Variants in CADPS observed in about 807,000 individuals in gnomAD.
The protein encoded by CADPS is calcium dependent secretion activator.
A neutral mutation model predicts 167.3 loss-of-function variants in CADPS; 57 were observed. That is an observed-to-expected ratio of 0.34 (90% CI 0.28 to 0.42). CADPS has a LOEUF of 0.42. CADPS is among the 20% of genes least tolerant of loss of function. The pLI is 1.00. For synonymous variants in CADPS, 676 were observed against 635.3 expected (o/e 1.06, Z -0.96); for missense variants, 1,414 against 1,738.1 (o/e 0.81, Z 3.32).
chr3:62,528,117 G>A (rs904236692), intron 13 of CADPS, among the ~76,000 whole-genome samples: 2 of 152,172 alleles, frequency 1.3e-5, no homozygotes, highest in Non-Finnish European at 2.9e-5. Flanking sequence ...GACTGCTGTA[G>A]CATCTCACCT....
At chr3:62,443,065 A>C (rs2056620321) in intron 27 of CADPS, among the ~76,000 whole-genome samples, 1 of 152,210 alleles carries the variant, frequency 6.6e-6, no homozygotes, top group Non-Finnish European at 1.5e-5. Context: ...CTGGTAAAAA[A>C]ATACTTTTTC....
chr3:62,525,430 G>A (rs572934452), intron 13 of CADPS, among the ~76,000 whole-genome samples: 69 of 152,140 alleles, frequency 4.5e-4, no homozygotes, highest in Non-Finnish European at 7.8e-4. Context: ...CATGTGCAAG[G>A]CCTGTACTTG....
chr3:62,486,237 G>T (rs1039276815), intron 21 of CADPS, among the ~76,000 whole-genome samples: 1 of 152,128 alleles, frequency 6.6e-6, no homozygotes, highest in Non-Finnish European at 1.5e-5. Context: ...ACGAGGTCAG[G>T]AGATCGAGAC....
In CADPS at chr3:62,458,612, T is replaced by A. The variant is rs1408623455; in HGVS notation, c.3636+6755A>T. Among the ~76,000 whole-genome samples the A allele has an allele frequency of 6.6e-6, 1 of 152,056 alleles. No homozygotes were observed. The highest frequency in any genetic ancestry group is 2.4e-5 in the African/African-American group (1 of 41,406). On this transcript the variant is annotated intron_variant, in intron 26 of 29. Coordinates refer to ENST00000383710, the MANE Select transcript of CADPS (RefSeq NM_003716.4). The surrounding 1 kb of genome is among the most constrained non-coding windows in gnomAD (Gnocchi z 4.6). Reference sequence around the variant, plus strand: ...CAAGCAATTCTCCTGGCTCAGCCTCTCAAGCAGTTGGGATTACAGGCACCT... The same window carrying A: ...CAAGCAATTCTCCTGGCTCAGCCTCACAAGCAGTTGGGATTACAGGCACCT...
intron 3 of CADPS, among the ~76,000 whole-genome samples, chr3:62,672,287 G>A (rs2075668525): frequency 6.6e-6 from 1 of 152,142 alleles, no homozygotes; most frequent in Non-Finnish European, 1.5e-5. Context: ...CATCTCCTGG[G>A]TGGTGCTGAT....
intron 23 of CADPS, among the ~76,000 whole-genome samples, chr3:62,475,882 C>T (rs1354437663): frequency 6.6e-6 from 1 of 152,172 alleles, no homozygotes; most frequent in Non-Finnish European, 1.5e-5. Context: ...AAATTGCTCC[C>T]TTCCAATGAA....
At chr3:62,712,819 A>G (rs6789095) in intron 3 of CADPS, among the ~76,000 whole-genome samples, 9,955 of 152,222 alleles carry the variant, frequency 0.065, 370 homozygotes, top group Middle Eastern at 0.095. Context: ...GACTTTGACA[A>G]CTGGTCATAA....
At chr3:62,745,661 G>A (rs1282349493) in intron 3 of CADPS, among the ~76,000 whole-genome samples, 1 of 152,200 alleles carries the variant, frequency 6.6e-6, no homozygotes, top group Non-Finnish European at 1.5e-5. Context: ...AATTCAGGCT[G>A]AATACTGAAG....
chr3:62,691,867 A>G (rs1191525939), intron 3 of CADPS, among the ~76,000 whole-genome samples: 2 of 152,080 alleles, frequency 1.3e-5, no homozygotes, highest in African/African-American at 4.8e-5. Context: ...GCAGCAAATT[A>G]CCATGGCACA....
intron 1 of CADPS, among the ~76,000 whole-genome samples, chr3:62,803,152 A>G (rs575137531): frequency 6.6e-6 from 1 of 152,234 alleles, no homozygotes; most frequent in South Asian, 2.1e-4. Flanking sequence ...CCACATTGCT[A>G]CACCTGCTGG....
intron 1 of CADPS, among the ~76,000 whole-genome samples, chr3:62,791,735 T>C (rs1486800136): frequency 6.6e-6 from 1 of 152,212 alleles, no homozygotes; most frequent in Non-Finnish European, 1.5e-5. Context: ...CACTATGCAG[T>C]ACAGCATGGC....
intron 9 of CADPS, among the ~76,000 whole-genome samples, chr3:62,568,331 AG>A (rs1434143849): frequency 6.6e-6 from 1 of 152,228 alleles, no homozygotes; most frequent in Non-Finnish European, 1.5e-5. Flanking sequence ...TAGGAGAGGA[AG>A]ACCCACACGC....
chr3:62,613,775 C>T (rs574176798), intron 6 of CADPS, among the ~76,000 whole-genome samples: 2 of 152,204 alleles, frequency 1.3e-5, no homozygotes, highest in African/African-American at 4.8e-5. Flanking sequence ...TCGGGTAAAA[C>T]CGATAGCTGA....
intron 3 of CADPS, among the ~76,000 whole-genome samples, chr3:62,711,756 CA>C (rs1343798991): frequency 6.6e-6 from 1 of 152,152 alleles, no homozygotes; most frequent in East Asian, 1.9e-4. Context: ...CAGGTTTGCT[CA>C]TTTCATTTGT....
chr3:62,605,047 G>A (rs892528716), intron 6 of CADPS, among the ~76,000 whole-genome samples: 7 of 152,288 alleles, frequency 4.6e-5, no homozygotes, highest in African/African-American at 1.7e-4. Context: ...GGGAGACTCT[G>A]GCTAATTGTG....
In CADPS at chr3:62,544,090, A is replaced by G. The variant is rs1177543203; in HGVS notation, c.1966+5813T>C. Among the ~76,000 whole-genome samples, 1 of 152,040 alleles carries G rather than the reference A, an allele frequency of 6.6e-6. No homozygotes were observed. The highest frequency in any genetic ancestry group is 1.5e-5 in the Non-Finnish European group (1 of 67,980). ...ACCAAGGTTAATACCTTGGCATTGTAAGACTGTGAATCCAAAGCATTTGTA... is the reference window on the plus strand; with the variant it reads ...ACCAAGGTTAATACCTTGGCATTGTGAGACTGTGAATCCAAAGCATTTGTA... On this transcript the variant is annotated intron_variant, in intron 11 of 29. Coordinates refer to ENST00000383710, the MANE Select transcript of CADPS (RefSeq NM_003716.4). This position sits in a 1 kb window ranked among gnomAD's most constrained non-coding sequence, Gnocchi z 4.4.
chr3:62,662,850 A>G (rs922183775), intron 3 of CADPS, among the ~76,000 whole-genome samples: 1 of 152,202 alleles, frequency 6.6e-6, no homozygotes, highest in African/African-American at 2.4e-5. Context: ...AGGATTAATA[A>G]GTCATTGCGT....
intron 20 of CADPS, 31 bp downstream of exon 20, chr3:62,492,259 G>C: frequency 6.2e-7 from 1 of 1,603,214 alleles, no homozygotes; most frequent in Non-Finnish European, 8.5e-7. Context: ...ACACTACTTA[G>C]GAAAGTCAAA....
At chr3:62,695,576 A>C (rs1289833256) in intron 3 of CADPS, among the ~76,000 whole-genome samples, 1 of 152,124 alleles carries the variant, frequency 6.6e-6, no homozygotes, top group Non-Finnish European at 1.5e-5. Context: ...CATAACAAGA[A>C]TACCTTTGCT....
Sources: allele counts gnomAD v4.1 joint callset (sites outside exome capture counted in the v4.1 genomes callset), GRCh38; gene constraint gnomAD v4.1.1; non-coding constraint Gnocchi (gnomAD v3.1); transcripts MANE v1.5; gene names NCBI Gene and HGNC (gene_info 2026-07-23, HGNC 2026-07-21).